The following DNAH8 variants were observed in gnomAD, a reference collection of about 807,000 sequenced individuals.
The protein encoded by DNAH8 is dynein axonemal heavy chain 8.
DNAH8 carries 382 observed loss-of-function variants against 562.1 expected under a neutral mutation model. That is an observed-to-expected ratio of 0.68 (90% CI 0.63 to 0.74). The LOEUF (loss-of-function observed/expected upper bound fraction) is 0.74. Ranked by LOEUF, DNAH8 falls within the 30% of genes least tolerant of loss-of-function variation. The pLI is 0.00. For missense variants in DNAH8, 5,203 were observed against 5,620.4 expected, an observed-to-expected ratio of 0.93 and a Z score of 2.37; for synonymous variants, 1,881 against 1,919.4, an observed-to-expected ratio of 0.98 and a Z score of 0.52.
intron 24 of DNAH8, among the ~76,000 whole-genome samples, chr6:38,808,661 T>A (rs1351176143): frequency 6.6e-6 from 1 of 152,212 alleles, no homozygotes; most frequent in Admixed American, 6.5e-5. Flanking sequence ...TGTGGCAATG[T>A]TCACAATAGC....
chr6:38,993,565 T>C (rs1348737629), intron 88 of DNAH8, among the ~76,000 whole-genome samples: 2 of 152,232 alleles, frequency 1.3e-5, no homozygotes, highest in Non-Finnish European at 2.9e-5. Flanking sequence ...CCTCTTCTTT[T>C]ATGGGTAAAC....
At chr6:38,927,449 C>G (rs1782209125) in intron 74 of DNAH8, among the ~76,000 whole-genome samples, 2 of 152,106 alleles carry the variant, frequency 1.3e-5, no homozygotes, top group African/African-American at 4.8e-5. Flanking sequence ...TAAGAAAACC[C>G]AGGGAAATCC....
chr6:38,810,659 C>T (rs1023358454), intron 24 of DNAH8, among the ~76,000 whole-genome samples: 3 of 152,012 alleles, frequency 2.0e-5, no homozygotes, highest in African/African-American at 7.2e-5. Context: ...TTTCTGACTA[C>T]AAGGGCCTTG....
chr6:38,930,531 A>G lies in DNAH8; in HGVS notation c.11274+865A>G, dbSNP rs117776631. Among the ~76,000 whole-genome samples the G allele has an allele frequency of 1.6e-3, 246 of 152,290 alleles. 3 individuals are homozygous for G. The East Asian group carries it at 0.042, about 26-fold the overall frequency. ...TTATGGAGCATCCAATATATACTTA[A>G]GCCTTTATGAGTTTATAGGGAGAAA... On this transcript the variant is annotated intron_variant, in intron 75 of 92. Coordinates refer to ENST00000327475, the MANE Select transcript of DNAH8 (RefSeq NM_001206927.2).
intron 31 of DNAH8, among the ~76,000 whole-genome samples, chr6:38,834,097 A>G (rs1430661064): frequency 1.3e-5 from 2 of 152,136 alleles, no homozygotes; most frequent in Non-Finnish European, 2.9e-5. Flanking sequence ...CTATTTCCAT[A>G]TTGGGCTGAA....
intron 41 of DNAH8, among the ~76,000 whole-genome samples, chr6:38,855,760 C>T (rs1382927249): frequency 1.3e-5 from 2 of 152,138 alleles, no homozygotes; most frequent in African/African-American, 2.4e-5. Context: ...GGCCACAAAC[C>T]GGTACCGGTT....
chr6:38,875,496 C>A, intron 52 of DNAH8, 95 bp from the exon 53 acceptor site: 1 of 750,054 alleles, frequency 1.3e-6, no homozygotes. Context: ...TATTTTTCTT[C>A]TCTCTTCCTT....
At chr6:38,952,114 G>A (rs949259089) in intron 82 of DNAH8, among the ~76,000 whole-genome samples, 4 of 152,140 alleles carry the variant, frequency 2.6e-5, no homozygotes, top group Non-Finnish European at 4.4e-5. Flanking sequence ...AGAGCTACTC[G>A]GATTGCCTGG....
chr6:38,945,348 T>G (rs1031620955), intron 79 of DNAH8, 119 bp from the exon 80 acceptor site: 65 of 1,071,900 alleles, frequency 6.1e-5, no homozygotes, highest in Non-Finnish European at 8.3e-5. Flanking sequence ...ATATTATTAT[T>G]TTCCAATTTT....
chr6:38,871,729 T>G (rs557086623), intron 49 of DNAH8, among the ~76,000 whole-genome samples: 12 of 152,296 alleles, frequency 7.9e-5, no homozygotes, highest in African/African-American at 2.9e-4. Flanking sequence ...CACGTGCCCC[T>G]GCCCAGCTTC....
At position 39,012,580 on chromosome 6, in the gene DNAH8, T is replaced by A; in HGVS notation, c.13657T>A (p.Trp4553Arg). The A allele has an allele frequency of 6.2e-7, 1 of 1,614,070 alleles. No individual in the cohort carries two copies. Among genetic ancestry groups the A allele is most frequent in the Non-Finnish European group, 8.5e-7 (1 of 1,179,940 alleles). ...LLERNAQFST[W>R]IFEGRPNVFW... ...GGAAAGAAATGCTCAGTTTTCTACGTGGATATTTGAAGGGAGGCCTAATGT... is the reference window on the plus strand; with the variant it reads ...GGAAAGAAATGCTCAGTTTTCTACGAGGATATTTGAAGGGAGGCCTAATGT... Residue 4553 changes from tryptophan to arginine, a missense_variant, in exon 91 of 93, where the codon TGG (tryptophan) becomes AGG (arginine). Trp to Arg is a moderately radical substitution (Grantham distance 101, BLOSUM62 -3). Coordinates refer to ENST00000327475, the MANE Select transcript of DNAH8 (RefSeq NM_001206927.2).
chr6:38,798,683 C>T (rs1770517784), intron 21 of DNAH8, among the ~76,000 whole-genome samples: 1 of 152,206 alleles, frequency 6.6e-6, no homozygotes, highest in Non-Finnish European at 1.5e-5. Context: ...TTGTGATTAT[C>T]TGAAGTGGCC....
At chr6:38,999,859 A>T (rs1307087835) in intron 88 of DNAH8, among the ~76,000 whole-genome samples, 1 of 151,664 alleles carries the variant, frequency 6.6e-6, no homozygotes, top group Non-Finnish European at 1.5e-5. Flanking sequence ...TAATAATTAG[A>T]AATGAATGTT....
In DNAH8 at chr6:38,842,741, G is replaced by C. The variant is rs1369149946; in HGVS notation, c.4683G>C (p.Glu1561Asp). 6.2e-7 allele frequency: 1 copy of C among 1,613,848 alleles called. No homozygotes were observed. Among genetic ancestry groups the C allele is most frequent in the Admixed American group, 1.7e-5 (1 of 60,000 alleles). Residue 1561 changes from glutamate to aspartate, a missense_variant, in exon 35 of 93, where the codon GAG (glutamate) becomes GAC (aspartate). Coordinates refer to ENST00000327475, the MANE Select transcript of DNAH8 (RefSeq NM_001206927.2). ...DLKKRIDDFS[E>D]SCPLLEMMTN... ...AAAAGAGAATTGATGATTTCAGTGAGTCATGTCCTCTACTGGAAATGATGA... is the reference window on the plus strand; with the variant it reads ...AAAAGAGAATTGATGATTTCAGTGACTCATGTCCTCTACTGGAAATGATGA...
At chr6:38,881,624 T>C (rs1408077963) in intron 53 of DNAH8, among the ~76,000 whole-genome samples, 4 of 149,876 alleles carry the variant, frequency 2.7e-5, no homozygotes, top group Non-Finnish European at 4.4e-5. Context: ...CGATCTTGGC[T>C]CACCACAACC....
At chr6:38,920,321 C>T (rs1276096784) in intron 70 of DNAH8, among the ~76,000 whole-genome samples, 1 of 151,910 alleles carries the variant, frequency 6.6e-6, no homozygotes, top group Non-Finnish European at 1.5e-5. Flanking sequence ...ATTAGAAAAT[C>T]TAAATGAAAT....
At chr6:39,001,854 T>A (rs983146555) in intron 88 of DNAH8, among the ~76,000 whole-genome samples, 1 of 151,822 alleles carries the variant, frequency 6.6e-6, no homozygotes, top group Non-Finnish European at 1.5e-5. Context: ...ACACAGAGGA[T>A]GATCAGGAAG....
Position 38,890,662 on chromosome 6 carries a change from A to C in DNAH8, c.8484A>C (p.Gly2828=). The C allele has an allele frequency of 1.2e-6, 2 of 1,609,628 alleles. No homozygotes were observed. Among genetic ancestry groups the C allele is most frequent in the Admixed American group, 1.7e-5 (1 of 60,002 alleles). Residue 2828 remains glycine (G), a synonymous_variant, in exon 58 of 93, where the codon GGA becomes GGC. Transcript: ENST00000327475. ...ASIDKIFGII[G]CGYFDPCRSF... ...TTGCTTATCTTTCAGGAATTATTGG[A>C]TGTGGATACTTTGATCCTTGTAGAA...
chr6:38,750,114 A>G (rs988291334), intron 8 of DNAH8, among the ~76,000 whole-genome samples: 1 of 152,220 alleles, frequency 6.6e-6, no homozygotes, highest in South Asian at 2.1e-4. Flanking sequence ...TTACAGGCGT[A>G]AGCCACCACG....
Sources: allele counts gnomAD v4.1 joint callset (sites outside exome capture counted in the v4.1 genomes callset), GRCh38; gene constraint gnomAD v4.1.1; transcripts MANE v1.5; gene names NCBI Gene and HGNC (gene_info 2026-07-23, HGNC 2026-07-21).